IL1RAPL1: variants seen among roughly 807,000 people sequenced by gnomAD.
IL1RAPL1 encodes interleukin-1 receptor accessory protein-like 1.
Under a neutral mutation model 48.4 loss-of-function variants are expected in IL1RAPL1, and 3 were observed. That is an observed-to-expected ratio of 0.06 (90% confidence interval 0.03 to 0.16). The LOEUF is 0.16. Ranked by LOEUF, IL1RAPL1 falls within the 10% of genes least tolerant of loss-of-function variation. IL1RAPL1 has a pLI of 1.00. For missense variants in IL1RAPL1, 349 were observed against 530.6 expected, an observed-to-expected ratio of 0.66 and a Z score of 3.36; for synonymous variants, 185 against 187.7, an observed-to-expected ratio of 0.99 and a Z score of 0.12.
At chrX:29,097,459 G>T (rs1364782431) in intron 2 of IL1RAPL1, among the ~76,000 whole-genome samples, 2 of 111,947 alleles carry the variant, frequency 1.8e-5, no homozygotes, top group Non-Finnish European at 3.8e-5. Context: ...TTCCAAAGGT[G>T]CAGAGCAAGT....
At chrX:29,710,511 C>T (rs1429262091) in intron 6 of IL1RAPL1, among the ~76,000 whole-genome samples, 4 of 107,271 alleles carry the variant, frequency 3.7e-5, no homozygotes, top group African/African-American at 1.3e-4. Context: ...GTTGAACCAT[C>T]CTTTCATCCC....
intron 1 of IL1RAPL1, among the ~76,000 whole-genome samples, chrX:28,729,243 G>C (rs1482378083): frequency 3.6e-5 from 4 of 111,540 alleles, no homozygotes; most frequent in Non-Finnish European, 7.5e-5. Flanking sequence ...TTTGATTCCA[G>C]TATTCTTATG....
chrX:29,247,335 A>G (rs149454458), intron 2 of IL1RAPL1, among the ~76,000 whole-genome samples: 1,601 of 111,554 alleles, frequency 0.014, 17 homozygotes, highest in Non-Finnish European at 0.021. Flanking sequence ...ATATAATCCT[A>G]TTGTCTCAAG....
intron 6 of IL1RAPL1, among the ~76,000 whole-genome samples, chrX:29,864,544 T>C (rs978845371): frequency 8.9e-6 from 1 of 112,136 alleles, no homozygotes; most frequent in African/African-American, 3.2e-5. Flanking sequence ...TCCCCATGTG[T>C]GTACTGGCCA....
At chrX:29,912,006 G>GTGAA (rs1326355458) in intron 6 of IL1RAPL1, among the ~76,000 whole-genome samples, 1 of 112,347 alleles carries the variant, frequency 8.9e-6, no homozygotes, top group East Asian at 2.8e-4. Flanking sequence ...CAAAAGATGA[G>GTGAA]TGAATGAATG....
chrX:29,543,267 G>A (rs988746717), intron 5 of IL1RAPL1, among the ~76,000 whole-genome samples: 5 of 110,261 alleles, frequency 4.5e-5, no homozygotes, highest in African/African-American at 1.7e-4. Context: ...TTATTGCTGA[G>A]TATAATGCCC....
chrX:28,803,908 A>G (rs1012445516), intron 2 of IL1RAPL1, among the ~76,000 whole-genome samples: 1 of 112,543 alleles, frequency 8.9e-6, no homozygotes, highest in Non-Finnish European at 1.9e-5. Flanking sequence ...TGCCTTTTGT[A>G]TTCTTTATTT....
At chrX:29,696,057 A>G (rs1845792814) in intron 6 of IL1RAPL1, among the ~76,000 whole-genome samples, 1 of 111,594 alleles carries the variant, frequency 9.0e-6, no homozygotes, top group Non-Finnish European at 1.9e-5. Flanking sequence ...GTGAGGCCTT[A>G]GAACAGGGTT....
At chrX:29,543,208 A>G (rs1019072674) in intron 5 of IL1RAPL1, among the ~76,000 whole-genome samples, 10 of 107,554 alleles carry the variant, frequency 9.3e-5, no homozygotes, top group African/African-American at 3.1e-4. Context: ...CTGAGTCTGC[A>G]GGGTCCCTTA....
chrX:29,479,414 CAAA>C (rs3069570), intron 5 of IL1RAPL1, among the ~76,000 whole-genome samples: 3 of 42,493 alleles, frequency 7.1e-5, no homozygotes, highest in Non-Finnish European at 4.2e-5. Context: ...GACCCTGTCT[CAAA>C]AAAAAAAAAA....
At chrX:28,945,317 A>T (rs1924269485) in intron 2 of IL1RAPL1, among the ~76,000 whole-genome samples, 1 of 111,448 alleles carries the variant, frequency 9.0e-6, no homozygotes, top group Non-Finnish European at 1.9e-5. Context: ...TTATTACAGC[A>T]CTGTTTACAA....
intron 2 of IL1RAPL1, among the ~76,000 whole-genome samples, chrX:29,261,342 C>G (rs1181497914): frequency 9.0e-6 from 1 of 110,764 alleles, no homozygotes; most frequent in Non-Finnish European, 1.9e-5. Flanking sequence ...TAATAATAAC[C>G]CTTCAGGCTC....
At chrX:29,019,975 A>G (rs1001705335) in intron 2 of IL1RAPL1, among the ~76,000 whole-genome samples, 2 of 112,334 alleles carry the variant, frequency 1.8e-5, no homozygotes, top group Non-Finnish European at 3.7e-5. Flanking sequence ...GGCTAAATCC[A>G]TGAGTTCAGG....
intron 2 of IL1RAPL1, among the ~76,000 whole-genome samples, chrX:29,264,773 T>G (rs933057555): frequency 9.0e-6 from 1 of 111,362 alleles, no homozygotes; most frequent in South Asian, 3.8e-4. Flanking sequence ...ACAAACCATC[T>G]AGATAATCAT....
At chrX:29,801,041 G>C (rs1054300361) in intron 6 of IL1RAPL1, among the ~76,000 whole-genome samples, 1 of 702 alleles carries the variant, frequency 1.4e-3, no homozygotes, top group Non-Finnish European at 3.8e-3. Flanking sequence ...AAAACTCTCC[G>C]TCTCAAAAAA....
chrX:29,134,276 C>G (rs1214782221), intron 2 of IL1RAPL1, among the ~76,000 whole-genome samples: 1 of 111,458 alleles, frequency 9.0e-6, no homozygotes, highest in Non-Finnish European at 1.9e-5. Flanking sequence ...CTATAAAACT[C>G]TCTTCCGAAG....
At chrX:29,330,743 G>A (rs762036636) in intron 3 of IL1RAPL1, among the ~76,000 whole-genome samples, 1 of 111,373 alleles carries the variant, frequency 9.0e-6, no homozygotes, top group South Asian at 3.8e-4. Flanking sequence ...TACTCCCATA[G>A]GTGGCTACTG....
rs182827868 is a variant in IL1RAPL1, at chrX:28,600,050, C to T, written c.-25+12003C>T. On this transcript the variant is annotated intron_variant, in intron 1 of 10. Transcript: ENST00000378993. ...TGAGGGTAAATCCCGATGAGGGACT[C>T]GGCTGTGAGCCACCAACGGCAGGAT... Among the ~76,000 whole-genome samples the T allele has an allele frequency of 6.5e-3, 720 of 111,391 alleles. 7 individuals carry two copies. Among genetic ancestry groups the T allele is most frequent in the African/African-American group, 0.022 (666 of 30,578 alleles).
chrX:28,726,086 A>G (rs1229150316), intron 1 of IL1RAPL1, among the ~76,000 whole-genome samples: 2 of 112,081 alleles, frequency 1.8e-5, no homozygotes, highest in Non-Finnish European at 3.8e-5. Flanking sequence ...TGAAGAATAC[A>G]TGGTTAATAA....
Sources: gnomAD v4.1 joint callset for allele counts (sites outside exome capture counted in the v4.1 genomes callset) on GRCh38, gnomAD v4.1.1 for gene constraint, MANE v1.5 for transcripts, NCBI Gene and HGNC (gene_info 2026-07-23, HGNC 2026-07-21) for gene names.